LRTM3: variants seen among roughly 807,000 people sequenced by gnomAD.
LRTM3 encodes leucine-rich repeat transmembrane protein 3.
the LRTM3 span, chr13:102,740,400 A>T: frequency 6.5e-7 from 1 of 1,550,178 alleles, no homozygotes; most frequent in Non-Finnish European, 8.7e-7. Flanking sequence ...CGGCTTGATA[A>T]ATTACCTCCT....
At chr13:102,737,304 G>A in the LRTM3 span, 15 of 1,551,064 alleles carry the variant, frequency 9.7e-6, no homozygotes, top group African/African-American at 1.4e-5. Flanking sequence ...TGCCTTAGTT[G>A]CAAAGTAGCA....
the LRTM3 span, chr13:102,731,846 A>G: frequency 6.5e-7 from 1 of 1,549,900 alleles, no homozygotes; most frequent in Non-Finnish European, 8.7e-7. Flanking sequence ...TGGATCTTCA[A>G]GCATAGATGG....
the LRTM3 span, chr13:102,731,476 C>T: frequency 6.4e-7 from 1 of 1,551,262 alleles, no homozygotes. Flanking sequence ...TGGGAGTAAA[C>T]TGTTCTAAAA....
chr13:102,744,963 A>AAACTTCACCAT, the LRTM3 span: 8 of 1,550,824 alleles, frequency 5.2e-6, no homozygotes, highest in Non-Finnish European at 7.0e-6. Flanking sequence ...GCACCAGTTA[A>AAACTTCACCAT]AACTTCACCA....
At chr13:102,736,377 C>A in the LRTM3 span, 3 of 1,551,076 alleles carry the variant, frequency 1.9e-6, no homozygotes, top group Non-Finnish European at 1.7e-6. Context: ...AAAACGGCAC[C>A]ATTGGGGTGC....
the LRTM3 span, among the ~76,000 whole-genome samples, chr13:102,753,216 T>G: frequency 6.6e-6 from 1 of 151,900 alleles, no homozygotes; most frequent in Non-Finnish European, 1.5e-5. Context: ...CAAACTAACA[T>G]AGGAACAGAA....
chr13:102,758,488 A>G, the LRTM3 span: 6 of 1,537,084 alleles, frequency 3.9e-6, no homozygotes, highest in South Asian at 7.3e-5. Context: ...TATCAATGAG[A>G]AAAGCTCAGG....
At chr13:102,737,332 T>A in the LRTM3 span, 1 of 1,551,108 alleles carries the variant, frequency 6.4e-7, no homozygotes, top group South Asian at 1.2e-5. Flanking sequence ...TTATTCCTTG[T>A]AAGTCTTCCT....
chr13:102,750,261 G>C, the LRTM3 span: 1 of 1,551,108 alleles, frequency 6.4e-7, no homozygotes, highest in Non-Finnish European at 8.7e-7. Context: ...GGACTTACTT[G>C]ATCTTCACTT....
the LRTM3 span, among the ~76,000 whole-genome samples, chr13:102,755,901 A>ATGTGTGTG: frequency 1.0e-5 from 1 of 98,850 alleles, no homozygotes; most frequent in African/African-American, 3.5e-5. Context: ...ACACATATAT[A>ATGTGTGTG]TGTGTGTGTG....
At chr13:102,734,914 T>G in the LRTM3 span, 27 of 1,551,062 alleles carry the variant, frequency 1.7e-5, no homozygotes, top group Non-Finnish European at 2.3e-5. Flanking sequence ...GTTTTCCTTT[T>G]TGTAGATAGA....
the LRTM3 span, chr13:102,736,060 A>T: frequency 6.5e-7 from 1 of 1,543,606 alleles, no homozygotes; most frequent in Non-Finnish European, 8.8e-7. Flanking sequence ...TTGCCTCTTT[A>T]TATGGCATTT....
the LRTM3 span, chr13:102,739,895 AT>A: frequency 1.3e-6 from 2 of 1,550,238 alleles, no homozygotes; most frequent in South Asian, 1.2e-5. Context: ...GTTCCACTGC[AT>A]TTCTAGTCTG....
chr13:102,749,645 A>G, the LRTM3 span: 1 of 1,551,422 alleles, frequency 6.4e-7, no homozygotes, highest in Non-Finnish European at 8.7e-7. Context: ...GCTGCTAGAA[A>G]ATGGCTTCTT....
At chr13:102,758,192 G>A in the LRTM3 span, among the ~76,000 whole-genome samples, 1 of 152,144 alleles carries the variant, frequency 6.6e-6, no homozygotes, top group Admixed American at 6.5e-5. Flanking sequence ...TCATCTGTAA[G>A]AAACTACCTG....
the LRTM3 span, chr13:102,739,906 G>T: frequency 6.5e-7 from 1 of 1,550,280 alleles, no homozygotes; most frequent in Non-Finnish European, 8.7e-7. Flanking sequence ...TTTCTAGTCT[G>T]TTACTTGAGG....
the LRTM3 span, chr13:102,730,300 T>C: frequency 6.4e-7 from 1 of 1,551,408 alleles, no homozygotes; most frequent in South Asian, 1.2e-5. Flanking sequence ...AAGAGTTGGC[T>C]TCCAGAAACA....
At chr13:102,748,214 A>G in the LRTM3 span, 2 of 1,551,062 alleles carry the variant, frequency 1.3e-6, no homozygotes, top group Non-Finnish European at 1.7e-6. Context: ...CATATTTGTT[A>G]TGTTACTTCC....
the LRTM3 span, chr13:102,732,640 T>C: frequency 2.6e-6 from 4 of 1,551,098 alleles, no homozygotes; most frequent in African/African-American, 1.4e-5. Flanking sequence ...GAGTCTTCAT[T>C]TGAGATTCCT....
Sources: allele counts gnomAD v4.1 joint callset (sites outside exome capture counted in the v4.1 genomes callset), GRCh38; gene constraint gnomAD v4.1.1; transcripts MANE v1.5; gene names NCBI Gene and HGNC (gene_info 2026-07-23, HGNC 2026-07-21).